Variants in HDAC4 observed in about 807,000 individuals in gnomAD.
The protein encoded by HDAC4 is histone deacetylase A.
HDAC4 carries 16 observed loss-of-function variants against 135.1 expected under a neutral mutation model. That is an observed-to-expected ratio of 0.12 (90% CI 0.08 to 0.18). HDAC4 has a LOEUF of 0.18. Ranked by LOEUF, HDAC4 falls within the 10% of genes least tolerant of loss-of-function variation. The probability of loss-of-function intolerance (pLI) is 1.00; values close to 1 mark genes in which losing one functional copy is unlikely to be tolerated. For synonymous variants in HDAC4, 685 were observed against 653.4 expected (o/e 1.05, Z -0.74); for missense variants, 1,143 against 1,511.8 (o/e 0.76, Z 4.05).
chr2:239,381,290 T>G (rs1399088240), intron 1 of HDAC4, among the ~76,000 whole-genome samples: 1 of 152,250 alleles, frequency 6.6e-6, no homozygotes, highest in South Asian at 2.1e-4. Context: ...ATCCTTTCTT[T>G]TTATGTAGTC....
intron 2 of HDAC4, among the ~76,000 whole-genome samples, chr2:239,311,903 C>T (rs1223789744): frequency 6.6e-6 from 1 of 152,098 alleles, no homozygotes; most frequent in Non-Finnish European, 1.5e-5. Flanking sequence ...TGAGCAATCT[C>T]CTGTGAAAGG....
At chr2:239,181,087 CAG>C (rs1284785395) in intron 4 of HDAC4, among the ~76,000 whole-genome samples, 13 of 152,338 alleles carry the variant, frequency 8.5e-5, no homozygotes, top group African/African-American at 2.6e-4. Flanking sequence ...TTTACAGCAG[CAG>C]AGAGAGCAGA....
At chr2:239,243,383 A>G (rs1575504515) in intron 2 of HDAC4, among the ~76,000 whole-genome samples, 1 of 152,148 alleles carries the variant, frequency 6.6e-6, no homozygotes, top group Admixed American at 6.5e-5. Flanking sequence ...CGATCTCCTG[A>G]CCTTGTGATC....
intron 3 of HDAC4, among the ~76,000 whole-genome samples, chr2:239,205,230 G>A (rs1290494683): frequency 2.0e-5 from 3 of 152,182 alleles, no homozygotes; most frequent in Non-Finnish European, 4.4e-5. Context: ...CAATTTTCCA[G>A]AACTGGTGGG....
At chr2:239,129,460 A>AGAGCCTGGCTCCTGTGGTCCC (rs985353054) in intron 11 of HDAC4, among the ~76,000 whole-genome samples, 1 of 152,228 alleles carries the variant, frequency 6.6e-6, no homozygotes, top group Non-Finnish European at 1.5e-5. Flanking sequence ...GGTGTGGGGC[A>AGAGCCTGGCTCCTGTGGTCCC]GAGCCTGGCT....
chr2:239,133,299 C>G (rs73000137), intron 11 of HDAC4, among the ~76,000 whole-genome samples: 20,768 of 152,276 alleles, frequency 0.14, 1,671 homozygotes, highest in South Asian at 0.21. Flanking sequence ...CCTCCTACAA[C>G]ACGCCAAGCC....
chr2:239,376,495 C>G (rs1360120833), intron 1 of HDAC4, among the ~76,000 whole-genome samples: 2 of 151,842 alleles, frequency 1.3e-5, no homozygotes, highest in East Asian at 1.9e-4. Flanking sequence ...ACCGCGCCAT[C>G]AGAGGTGGGA....
chr2:239,254,202 C>A (rs2048934227), intron 2 of HDAC4, among the ~76,000 whole-genome samples: 1 of 152,062 alleles, frequency 6.6e-6, no homozygotes, highest in Admixed American at 6.5e-5. Flanking sequence ...TAGGGCTACA[C>A]CCACAATCCA....
chr2:239,067,715 C>A (rs996217868), intron 23 of HDAC4, among the ~76,000 whole-genome samples: 6 of 152,174 alleles, frequency 3.9e-5, no homozygotes, highest in African/African-American at 1.4e-4. Flanking sequence ...CCGAGGGCTG[C>A]CTCAGGTCTC....
intron 2 of HDAC4, among the ~76,000 whole-genome samples, chr2:239,242,849 T>C (rs1057090544): frequency 1.3e-5 from 2 of 152,252 alleles, no homozygotes; most frequent in Non-Finnish European, 2.9e-5. Flanking sequence ...ACATGTTTGC[T>C]TAACTGTATT....
chr2:239,223,174 G>T (rs972959679), intron 3 of HDAC4, among the ~76,000 whole-genome samples: 1 of 152,156 alleles, frequency 6.6e-6, no homozygotes, highest in Non-Finnish European at 1.5e-5. Context: ...ACCTCCAAAC[G>T]TTTGGTTATG....
chr2:239,080,652 G>A (rs902128001), intron 22 of HDAC4, among the ~76,000 whole-genome samples: 4 of 152,186 alleles, frequency 2.6e-5, no homozygotes, highest in African/African-American at 7.2e-5. Flanking sequence ...TGGGAGGGAG[G>A]GCGACAACTG....
At chr2:239,152,031 A>G (rs3791496) in intron 7 of HDAC4, among the ~76,000 whole-genome samples, 12,981 of 152,282 alleles carry the variant, frequency 0.085, 609 homozygotes, top group East Asian at 0.18. Flanking sequence ...CAGCAGTCAC[A>G]TGAGGGGAAA....
chr2:239,230,368 C>CAAAAAAAAAAAAAAAAAAAA (rs56105562), intron 3 of HDAC4, among the ~76,000 whole-genome samples: 3 of 79,394 alleles, frequency 3.8e-5, no homozygotes, highest in African/African-American at 1.6e-4. Context: ...AGCAAGCAAG[C>CAAAAAAAAAAAAAAAAAAAA]AAAAAAAAAA....
intron 2 of HDAC4, among the ~76,000 whole-genome samples, chr2:239,280,987 A>C (rs1372424576): frequency 0.014 from 1,469 of 106,636 alleles, 2 homozygotes; most frequent in Non-Finnish European, 0.017. Flanking sequence ...ACACCACTCT[A>C]CACACAATGT....
intron 1 of HDAC4, among the ~76,000 whole-genome samples, chr2:239,387,687 G>C (rs552755745): frequency 6.6e-6 from 1 of 152,312 alleles, no homozygotes; most frequent in South Asian, 2.1e-4. Flanking sequence ...GAAGAAAACC[G>C]AGGCTTAGAG....
At chr2:239,398,886 A>G (rs1696744299) in intron 1 of HDAC4, among the ~76,000 whole-genome samples, 1 of 152,228 alleles carries the variant, frequency 6.6e-6, no homozygotes, top group Non-Finnish European at 1.5e-5. Flanking sequence ...AAAGAACCCT[A>G]AAGAGGGCAG....
chr2:239,139,752 T>C lies in HDAC4; in HGVS notation c.910A>G (p.Asn304Asp), dbSNP rs1465676196. The C allele has an allele frequency of 1.2e-6, 2 of 1,614,086 alleles. No homozygotes were observed. Among genetic ancestry groups the C allele is most frequent in the South Asian group, 1.1e-5 (1 of 91,070 alleles). The change falls in exon 9 of 27, where the codon AAC (asparagine) becomes GAC (aspartate). Residue 304 changes from asparagine (N) to aspartate (D), a missense_variant. Coordinates refer to ENST00000543185, the MANE Select transcript of HDAC4 (RefSeq NM_001378414.1). The surrounding 1 kb of genome is among the most constrained non-coding windows in gnomAD (Gnocchi z 5.3). ...GCGCTGACGCTCCCGGAGCTGTTGT[T>C]GGGTGAGCTGGGTCCGGAGCCTGGG... ...SAPGSGPSSPNNSSGSVSAEN... is the reference protein window; with the variant it reads ...SAPGSGPSSPDNSSGSVSAEN...
At chr2:239,078,644 C>T (rs1011661344) in intron 22 of HDAC4, among the ~76,000 whole-genome samples, 26 of 152,222 alleles carry the variant, frequency 1.7e-4, no homozygotes, top group Non-Finnish European at 3.1e-4. Context: ...TTAAAGCACA[C>T]GCCAAGAGCA....
Sources: gnomAD v4.1 joint callset for allele counts (sites outside exome capture counted in the v4.1 genomes callset) on GRCh38, gnomAD v4.1.1 for gene constraint, Gnocchi (gnomAD v3.1) non-coding constraint, MANE v1.5 for transcripts, NCBI Gene and HGNC (gene_info 2026-07-23, HGNC 2026-07-21) for gene names.